C1orf105: variants seen among roughly 807,000 people sequenced by gnomAD.
C1orf105 encodes chromosome 1 open reading frame 105.
C1orf105 carries 17 observed loss-of-function variants against 20.8 expected under a neutral mutation model. The ratio of observed to expected loss-of-function variants is 0.82; its 90% confidence interval spans 0.56 to 1.23. The LOEUF is 1.23. Ranked by LOEUF, C1orf105 falls within the 50% of genes most tolerant of loss-of-function variation. C1orf105 has a pLI of 0.00. For missense variants in C1orf105, 219 were observed against 213.5 expected, an observed-to-expected ratio of 1.03 and a Z score of -0.16; for synonymous variants, 72 against 72.1, an observed-to-expected ratio of 1.00 and a Z score of 0.01.
intron 3 of C1orf105, among the ~76,000 whole-genome samples, chr1:172,453,956 T>C (rs752725013): frequency 2.0e-5 from 3 of 152,198 alleles, no homozygotes; most frequent in Non-Finnish European, 4.4e-5. Flanking sequence ...CATTATGTTA[T>C]GGGACTCTGT....
intron 1 of C1orf105, among the ~76,000 whole-genome samples, chr1:172,421,365 A>G (rs1296954126): frequency 2.0e-5 from 3 of 152,204 alleles, no homozygotes; most frequent in Non-Finnish European, 2.9e-5. Flanking sequence ...ACTAGGGTCT[A>G]AATCTGAATA....
rs547042553 is a variant in C1orf105 at position 172,467,493 on chromosome 1, A to C, written c.407-956A>C. ...CACCCACGGACTCTTAATCTCAATA[A>C]ACATTAGTACAGATGCTAACCACCT... On this transcript the variant is annotated intron_variant, in intron 6 of 6. Transcript: ENST00000367727. Among the ~76,000 whole-genome samples the C allele has an allele frequency of 5.9e-5, 9 of 152,338 alleles. 1 individual carries two copies. The South Asian group carries it at 1.9e-3, about 32-fold the overall frequency.
At chr1:172,454,705 GT>G (rs1226401797) in intron 3 of C1orf105, among the ~76,000 whole-genome samples, 13 of 150,924 alleles carry the variant, frequency 8.6e-5, no homozygotes, top group South Asian at 8.4e-4. Context: ...AGCATTGCCT[GT>G]TTTTTTTTAC....
chr1:172,465,436 C>A, intron 6 of C1orf105, 73 bp downstream of exon 6: 2 of 1,082,942 alleles, frequency 1.8e-6, no homozygotes, highest in Non-Finnish European at 2.9e-6. Flanking sequence ...CAGTCTAATC[C>A]CTAAAATAAT....
intron 3 of C1orf105, among the ~76,000 whole-genome samples, chr1:172,450,596 G>A (rs1648518437): frequency 6.6e-6 from 1 of 152,190 alleles, no homozygotes; most frequent in African/African-American, 2.4e-5. Context: ...TGGCAATCCG[G>A]AGGCCAACTG....
intron 6 of C1orf105, 99 bp downstream of exon 6, chr1:172,465,462 G>A (rs760985374): frequency 2.2e-6 from 2 of 922,326 alleles, no homozygotes; most frequent in Non-Finnish European, 3.6e-6. Flanking sequence ...AATTTCCTGA[G>A]CAAATCCTCA....
Position 172,445,242 on chromosome 1 carries a change from C to T in C1orf105, c.107+84C>T, listed in dbSNP as rs996002391. On this transcript the variant is annotated intron_variant, in intron 2 of 6. Coordinates refer to ENST00000367727, the MANE Select transcript of C1orf105 (RefSeq NM_139240.4). The stretch of plus-strand genomic sequence containing the variant: ...CTTCTTAAGGGATGGGGACAATTAT[C>T]AGAGGGCACATTTGATCCATTGAGA... 24 of 1,062,574 alleles carry T rather than the reference C, an allele frequency of 2.3e-5. No homozygotes were observed. In the African/African-American group the frequency reaches 3.5e-4, roughly 16 times the overall value. 65.8% of individuals were successfully genotyped at this position (1,062,574 alleles called of 1,614,324 possible).
chr1:172,430,253 C>T (rs946255329), intron 1 of C1orf105: 4 of 686,790 alleles, frequency 5.8e-6, no homozygotes, highest in South Asian at 1.5e-5. Flanking sequence ...TAACTTCCCA[C>T]CACAACTGTC....
chr1:172,444,706 CA>C (rs1647775534), intron 1 of C1orf105, among the ~76,000 whole-genome samples: 1 of 151,914 alleles, frequency 6.6e-6, no homozygotes, highest in Non-Finnish European at 1.5e-5. Context: ...GAAGTGAGGA[CA>C]AGATTGCTAA....
At chr1:172,426,270 T>C (rs776268619) in intron 1 of C1orf105, among the ~76,000 whole-genome samples, 1 of 152,206 alleles carries the variant, frequency 6.6e-6, no homozygotes, top group South Asian at 2.1e-4. Context: ...TGAAGTGGGG[T>C]AGTTATCCTC....
chr1:172,453,518 T>C (rs1573879447), intron 3 of C1orf105, among the ~76,000 whole-genome samples: 1 of 152,222 alleles, frequency 6.6e-6, no homozygotes, highest in East Asian at 1.9e-4. Flanking sequence ...TATTTTTCGT[T>C]TTATATATTT....
At chr1:172,424,927 C>A (rs996394220) in intron 1 of C1orf105, among the ~76,000 whole-genome samples, 3 of 152,178 alleles carry the variant, frequency 2.0e-5, no homozygotes, top group African/African-American at 7.2e-5. Context: ...CAGCACAAGG[C>A]CACAGGGCCA....
chr1:172,441,890 A>G (rs559302185), intron 1 of C1orf105: 1 of 1,614,192 alleles, frequency 6.2e-7, no homozygotes, highest in African/African-American at 1.3e-5. Context: ...GCACTAATGG[A>G]CAGTAGGCCT....
intron 1 of C1orf105, among the ~76,000 whole-genome samples, chr1:172,438,399 T>C (rs1315381619): frequency 1.3e-5 from 2 of 152,220 alleles, no homozygotes; most frequent in Non-Finnish European, 2.9e-5. Context: ...CCAACCCTCA[T>C]GAATTACTCT....
chr1:172,441,988 A>G lies in C1orf105; in HGVS notation c.22-3085A>G, dbSNP rs1553259602. The G allele has an allele frequency of 6.2e-7, 1 of 1,614,134 alleles. No individual in the cohort carries two copies. The stretch of plus-strand genomic sequence containing the variant: ...TAGTTTCTTCTGCAACATGGGCCAC[A>G]GGGCAAAAATCTGAATGGCAAATGT... On this transcript the variant is annotated intron_variant, in intron 1 of 6. Transcript: ENST00000367727.
At chr1:172,449,902 C>G (rs115977586) in intron 3 of C1orf105, among the ~76,000 whole-genome samples, 2,374 of 152,294 alleles carry the variant, frequency 0.016, 63 homozygotes, top group African/African-American at 0.053. Context: ...TCACCTGCCG[C>G]TGAATGCCTC....
At chr1:172,429,721 C>T (rs1325387049) in intron 1 of C1orf105, among the ~76,000 whole-genome samples, 2 of 152,204 alleles carry the variant, frequency 1.3e-5, no homozygotes, top group Non-Finnish European at 2.9e-5. Flanking sequence ...TTTACTGACA[C>T]CAATACAATC....
At chr1:172,449,444 A>G (rs1243576536) in intron 3 of C1orf105, among the ~76,000 whole-genome samples, 4 of 152,126 alleles carry the variant, frequency 2.6e-5, no homozygotes, top group African/African-American at 9.7e-5. Flanking sequence ...TCTGCACTGG[A>G]CCTAGAAGAT....
At chr1:172,440,451 C>T (rs888874043) in intron 1 of C1orf105, among the ~76,000 whole-genome samples, 3 of 152,206 alleles carry the variant, frequency 2.0e-5, no homozygotes, top group Admixed American at 1.3e-4. Context: ...CCATTTACCA[C>T]AATTCTAGAG....
Sources: gnomAD v4.1 joint callset for allele counts (sites outside exome capture counted in the v4.1 genomes callset) on GRCh38, gnomAD v4.1.1 for gene constraint, MANE v1.5 for transcripts, NCBI Gene and HGNC (gene_info 2026-07-23, HGNC 2026-07-21) for gene names.